MEIOSIN: variants seen among roughly 807,000 people sequenced by gnomAD.
MEIOSIN encodes the protein meiosis initiator protein.
A neutral mutation model predicts 23.4 loss-of-function variants in MEIOSIN; 18 were observed. The observed-to-expected ratio is 0.77, with a 90% confidence interval of 0.53 to 1.14. The LOEUF (loss-of-function observed/expected upper bound fraction) is 1.14, where lower values mean the gene tolerates loss of function less well. MEIOSIN is among the 50% of genes most tolerant of loss of function. The pLI is 0.00. For missense variants in MEIOSIN, 428 were observed against 242.9 expected (o/e 1.76, Z -5.07); for synonymous variants, 187 against 100.6 (o/e 1.86, Z -5.14).
At chr19:45,752,361 G>C (rs1321184645) in intron 5 of MEIOSIN, among the ~76,000 whole-genome samples, 1 of 150,926 alleles carries the variant, frequency 6.6e-6, no homozygotes, top group Admixed American at 6.6e-5. Flanking sequence ...GACTACAGGC[G>C]CCCGCCACCA....
rs1031582933 is a variant in MEIOSIN at position 45,763,965 on chromosome 19, C to A, written c.1770-6C>A. 2.5e-6 allele frequency: 1 copy of A among 398,768 alleles called. No individual in the cohort carries two copies. The highest frequency in any genetic ancestry group is 4.4e-5 in the Admixed American group (1 of 22,734). 24.7% of individuals were successfully genotyped at this position (398,768 alleles called of 1,614,324 possible). ...AAGCCAGGCCATCCTGCCACCGTCT[C>A]CCCAGCACCAAGGCTCGCAGGTTCA... On this transcript the variant is annotated splice_polypyrimidine_tract_variant and splice_region_variant and intron_variant, in intron 14 of 14. Transcript: ENST00000457052.
At chr19:45,742,201 C>G (rs1968517888) in intron 3 of MEIOSIN, among the ~76,000 whole-genome samples, 2 of 151,148 alleles carry the variant, frequency 1.3e-5, no homozygotes, top group Admixed American at 1.3e-4. Flanking sequence ...GATGCAGGGT[C>G]TCACTATGTT....
In MEIOSIN at chr19:45,753,792, C is replaced by A. The variant is rs1968762610; in HGVS notation, c.556+4C>A. On this transcript the variant is annotated splice_donor_region_variant and intron_variant, in intron 6 of 14. Coordinates refer to ENST00000457052, the MANE Select transcript of MEIOSIN (RefSeq NM_001310124.2). Reference sequence around the variant, plus strand: ...AAGAAGCTGACCCAGGCATCAGGTACAAGCTGTCACTGGAGGCAGAACTAG... The same window carrying A: ...AAGAAGCTGACCCAGGCATCAGGTAAAAGCTGTCACTGGAGGCAGAACTAG... 1.4e-6 allele frequency: 1 copy of A among 700,472 alleles called. No homozygotes were observed. The highest frequency in any genetic ancestry group is 2.6e-6 in the Non-Finnish European group (1 of 383,866). The allele number at this position is 700,472 out of a possible 1,614,324, so 43.4% of individuals were successfully genotyped here. A position where few individuals can be genotyped will look rare whatever the true frequency, so the allele number is the denominator to read the frequency against.
intron 4 of MEIOSIN, among the ~76,000 whole-genome samples, chr19:45,750,360 C>CTTTT (rs11295860): frequency 1.0e-5 from 1 of 98,526 alleles, no homozygotes; most frequent in Admixed American, 1.2e-4. Flanking sequence ...TTTTCTTTTT[C>CTTTT]TTTTTTTTTT....
At chr19:45,739,519 A>G (rs1175118363) in intron 2 of MEIOSIN, 107 bp from the exon 3 acceptor site, 7 of 674,030 alleles carry the variant, frequency 1.0e-5, no homozygotes, top group East Asian at 2.7e-5. Flanking sequence ...TGCCAACTCC[A>G]TATACCCAGA....
intron 11 of MEIOSIN, 150 bp from the exon 12 acceptor site, chr19:45,761,529 C>A: frequency 2.1e-6 from 1 of 474,036 alleles, no homozygotes; most frequent in Non-Finnish European, 3.8e-6. Context: ...CTCAGCCTCC[C>A]AGAGTGTTGG....
Position 45,764,374 on chromosome 19 carries a change from G to T in MEIOSIN, c.*256G>T. 2.7e-6 allele frequency: 1 copy of T among 372,216 alleles called. No homozygotes were observed. The allele number at this position is 372,216 out of a possible 1,614,324, so 23.1% of individuals were successfully genotyped here. A position where few individuals can be genotyped will look rare whatever the true frequency, so the allele number is the denominator to read the frequency against. Reference sequence around the variant, plus strand: ...ACCCAAAATGAAATGCGGGGTGTCGGAAGGTGAAGTTTACCCACCCCTCTC... The same window carrying T: ...ACCCAAAATGAAATGCGGGGTGTCGTAAGGTGAAGTTTACCCACCCCTCTC... On this transcript the variant is annotated 3_prime_UTR_variant, in exon 15 of 15. Coordinates refer to ENST00000457052, the MANE Select transcript of MEIOSIN (RefSeq NM_001310124.2).
chr19:45,757,744 C>G (rs1014681076), intron 9 of MEIOSIN, among the ~76,000 whole-genome samples: 2 of 152,138 alleles, frequency 1.3e-5, no homozygotes, highest in Non-Finnish European at 2.9e-5. Flanking sequence ...TGGTCTCAAA[C>G]TCCTGACCTA....
intron 1 of MEIOSIN, 33 bp from the exon 2 acceptor site, chr19:45,735,344 A>G (rs1200409719): frequency 1.4e-6 from 1 of 701,884 alleles, no homozygotes; most frequent in African/African-American, 1.7e-5. Flanking sequence ...GCAATCCCAG[A>G]GGTCACTAAT....
intron 7 of MEIOSIN, among the ~76,000 whole-genome samples, chr19:45,754,954 T>C (rs928201922): frequency 2.0e-5 from 3 of 152,102 alleles, no homozygotes; most frequent in Non-Finnish European, 4.4e-5. Flanking sequence ...GGGCTTCCCA[T>C]CACAGAACCA....
intron 11 of MEIOSIN, among the ~76,000 whole-genome samples, chr19:45,759,693 G>C (rs1030303594): frequency 4.6e-5 from 7 of 152,158 alleles, no homozygotes; most frequent in African/African-American, 1.7e-4. Flanking sequence ...TGCCGGCTCT[G>C]TGCTGGGCAC....
At chr19:45,741,193 C>G (rs545771109) in intron 3 of MEIOSIN, among the ~76,000 whole-genome samples, 1 of 152,110 alleles carries the variant, frequency 6.6e-6, no homozygotes, top group East Asian at 1.9e-4. Context: ...ACTAAAAATA[C>G]AAAAATTGGG....
chr19:45,739,220 A>G (rs563258061), intron 2 of MEIOSIN, among the ~76,000 whole-genome samples: 4 of 152,058 alleles, frequency 2.6e-5, no homozygotes, highest in East Asian at 3.9e-4. Context: ...GTGGCATGAT[A>G]GCTCAGCGCA....
At chr19:45,752,062 G>A (rs1279905098) in intron 5 of MEIOSIN, among the ~76,000 whole-genome samples, 1 of 127,596 alleles carries the variant, frequency 7.8e-6, no homozygotes, top group Admixed American at 7.8e-5. Flanking sequence ...TTTGAGACAA[G>A]GTCTCACTCT....
chr19:45,752,799 C>A (rs1414506412), intron 5 of MEIOSIN, among the ~76,000 whole-genome samples: 1 of 152,034 alleles, frequency 6.6e-6, no homozygotes, highest in Non-Finnish European at 1.5e-5. Context: ...GGCTCAGAGC[C>A]CACACACATC....
chr19:45,746,750 G>A (rs1259933765), intron 4 of MEIOSIN, among the ~76,000 whole-genome samples: 1 of 151,832 alleles, frequency 6.6e-6, no homozygotes, highest in Non-Finnish European at 1.5e-5. Context: ...GAACCTGGGA[G>A]GCAGAGGTTG....
At chr19:45,759,079 T>C in intron 10 of MEIOSIN, 46 bp downstream of exon 10, 1 of 702,602 alleles carries the variant, frequency 1.4e-6, no homozygotes, top group Non-Finnish European at 2.6e-6. Context: ...TCGGGAAACA[T>C]ACGGTGCCCA....
chr19:45,763,386 G>C lies in MEIOSIN; in HGVS notation c.1728G>C (p.Gln576His). The C allele has an allele frequency of 5.0e-6, 2 of 398,726 alleles. No individual in the cohort carries two copies. Among genetic ancestry groups the C allele is most frequent in the East Asian group, 3.6e-5 (1 of 28,068 alleles). The allele number at this position is 398,726 out of a possible 1,614,324, so 24.7% of individuals were successfully genotyped here. A position where few individuals can be genotyped will look rare whatever the true frequency, so the allele number is the denominator to read the frequency against. ...CAGCTGCCACCAAGGAGCTGGCCCA[G>C]CTGTGGCGGGTGATGACCCAGCAGG... ...ASTAATKELA[Q>H]LWRVMTQQER... Residue 576 changes from glutamine to histidine, a missense_variant, in exon 14 of 15, where the codon CAG becomes CAC. Physicochemically the swap from Gln to His is conservative, Grantham distance 24 (BLOSUM62 0). Transcript: ENST00000457052.
In MEIOSIN at chr19:45,761,985, A is replaced by G. The variant is rs1968954392; in HGVS notation, c.1481A>G (p.Asp494Gly). The change falls in exon 13 of 15, where the codon GAC (aspartate) becomes GGC (glycine). Residue 494 changes from aspartate (D) to glycine (G), a missense_variant. Transcript: ENST00000457052. ...PVGTPGSSEE[D>G]EDTTWTPTRL... ...GGCACGCCGGGCTCCAGCGAAGAGG[A>G]CGAAGACACCACATGGACCCCCACC... The G allele has an allele frequency of 3.7e-6, 2 of 546,258 alleles. No individual in the cohort carries two copies. Among genetic ancestry groups the G allele is most frequent in the Non-Finnish European group, 6.5e-6 (2 of 306,184 alleles). 33.8% of individuals were successfully genotyped at this position (546,258 alleles called of 1,614,324 possible).
Sources: gnomAD v4.1 joint callset for allele counts (sites outside exome capture counted in the v4.1 genomes callset) on GRCh38, gnomAD v4.1.1 for gene constraint, MANE v1.5 for transcripts, NCBI Gene and HGNC (gene_info 2026-07-23, HGNC 2026-07-21) for gene names.